Variants in GUCY2C observed in about 807,000 individuals in gnomAD.
GUCY2C encodes the protein guanylyl cyclase C.
In GUCY2C, 118 loss-of-function variants were observed where a neutral mutation model predicts 131.1. That is an observed-to-expected ratio of 0.90 (90% CI 0.78 to 1.05). The LOEUF (loss-of-function observed/expected upper bound fraction) is 1.05, where lower values mean the gene tolerates loss of function less well. Among genes scored for constraint, GUCY2C ranks in the 50% least tolerant of loss-of-function variants. The pLI, the probability that GUCY2C is intolerant of heterozygous loss-of-function variation, is 0.00. For synonymous variants in GUCY2C, 452 were observed against 457.8 expected (o/e 0.99, Z 0.16); for missense variants, 1,161 against 1,304.4 (o/e 0.89, Z 1.69).
chr12:14,624,015 G>T (rs969355621), intron 21 of GUCY2C, among the ~76,000 whole-genome samples: 68 of 152,306 alleles, frequency 4.5e-4, no homozygotes, highest in Non-Finnish European at 1.2e-4. Flanking sequence ...GTGTTATCCA[G>T]AGAGAGAAAC....
chr12:14,682,817 C>T lies in GUCY2C; in HGVS notation c.611+225G>A, dbSNP rs563491479. ...AATAAAACTGATGTGAACGTACTTT[C>T]AAAACAGTAAAGAGTGTTGCAGATG... On this transcript the variant is annotated intron_variant, in intron 4 of 26. Coordinates refer to ENST00000261170, the MANE Select transcript of GUCY2C (RefSeq NM_004963.4). Among the ~76,000 whole-genome samples the T allele has an allele frequency of 3.3e-4, 50 of 152,302 alleles. No individual in the cohort carries two copies. In the South Asian group the frequency reaches 9.5e-3, roughly 29 times the overall value.
chr12:14,641,121 T>G lies in GUCY2C; in HGVS notation c.2029A>C (p.Lys677Gln), dbSNP rs558738501. ...CAGCTCAAAGTGTAGAAGGTTTCTT[T>G]CCGCAGGATGATCTCCTGTGCGATG... ...GIIAQEIILR[K>Q]ETFYTLSCRD... Residue 677 changes from lysine to glutamine, a missense_variant, in exon 18 of 27, where the codon AAA (lysine) becomes CAA (glutamine). Lys to Gln is a moderately conservative substitution (Grantham distance 53). Transcript: ENST00000261170. 6 of 1,613,834 alleles carry G rather than the reference T, an allele frequency of 3.7e-6. No individual in the cohort carries two copies. The highest frequency in any genetic ancestry group is 5.1e-6 in the Non-Finnish European group (6 of 1,179,908).
At chr12:14,647,175 GGT>G (rs1251591341) in intron 15 of GUCY2C, among the ~76,000 whole-genome samples, 1 of 152,104 alleles carries the variant, frequency 6.6e-6, no homozygotes, top group Non-Finnish European at 1.5e-5. Flanking sequence ...TATACTTAAT[GGT>G]ATTCTTAGCC....
chr12:14,621,693 C>T (rs369040405), intron 22 of GUCY2C, among the ~76,000 whole-genome samples: 8 of 152,176 alleles, frequency 5.3e-5, no homozygotes, highest in East Asian at 3.8e-4. Context: ...CATTTGCAGT[C>T]AGCCTAAACA....
At chr12:14,623,164 AC>A (rs1417546337) in intron 21 of GUCY2C, among the ~76,000 whole-genome samples, 1 of 152,220 alleles carries the variant, frequency 6.6e-6, no homozygotes, top group African/African-American at 2.4e-5. Context: ...CCGATTAGGG[AC>A]AGAGCCAGGG....
Position 14,634,774 on chromosome 12 carries a change from C to T in GUCY2C, c.2157+5088G>A, listed in dbSNP as rs369146724. ...GAAAGTAAAGGGATGGAAAGATATT[C>T]CATGCAAATGAAAACCAAAAGCAAG... is the stretch of plus-strand genomic sequence containing the variant. On this transcript the variant is annotated intron_variant, in intron 19 of 26. Coordinates refer to ENST00000261170, the MANE Select transcript of GUCY2C (RefSeq NM_004963.4). Among the ~76,000 whole-genome samples, 3 of 152,154 alleles carry T rather than the reference C, an allele frequency of 2.0e-5. 1 individual carries two copies. The highest frequency in any genetic ancestry group is 1.3e-4 in the Admixed American group (2 of 15,266).
chr12:14,624,428 TG>T (rs1408970717), intron 21 of GUCY2C, among the ~76,000 whole-genome samples: 19 of 151,582 alleles, frequency 1.3e-4, no homozygotes, highest in Non-Finnish European at 1.9e-4. Context: ...GCAACAAGAG[TG>T]AAACTCCATC....
rs11056071 is a variant in GUCY2C at position 14,636,068 on chromosome 12, A to G, written c.2157+3794T>C. ...ACACTAATTCTCTTCAAACTATTCAAAAAAATTGAATAGGGAATTCTCCTT... is the reference window on the plus strand; with the variant it reads ...ACACTAATTCTCTTCAAACTATTCAGAAAAATTGAATAGGGAATTCTCCTT... On this transcript the variant is annotated intron_variant, in intron 19 of 26. Transcript: ENST00000261170. Among the ~76,000 whole-genome samples the G allele has an allele frequency of 3.7e-3, 556 of 152,320 alleles. 2 individuals carry two copies. Among genetic ancestry groups the G allele is most frequent in the African/African-American group, 0.012 (510 of 41,582 alleles).
intron 11 of GUCY2C, among the ~76,000 whole-genome samples, chr12:14,660,688 T>C (rs1947850612): frequency 6.6e-6 from 1 of 152,210 alleles, no homozygotes; most frequent in South Asian, 2.1e-4. Flanking sequence ...ATGAAGAAAC[T>C]GAAGCTAAGT....
intron 3 of GUCY2C, 96 bp downstream of exon 3, chr12:14,686,065 A>G: frequency 1.3e-6 from 1 of 755,450 alleles, no homozygotes; most frequent in Admixed American, 2.1e-5. Context: ...AGACCTCAAC[A>G]CCTCTGATTG....
chr12:14,688,210 C>T, intron 1 of GUCY2C, 147 bp from the exon 2 acceptor site: 2 of 603,536 alleles, frequency 3.3e-6, no homozygotes, highest in East Asian at 5.6e-5. Context: ...TACTCCTGGT[C>T]ACTTTTTTCC....
chr12:14,682,490 A>G (rs2137092986), intron 4 of GUCY2C, among the ~76,000 whole-genome samples: 1 of 152,322 alleles, frequency 6.6e-6, no homozygotes, highest in South Asian at 2.1e-4. Context: ...CTGTGAGTCA[A>G]TTAAACCTCT....
Position 14,659,189 on chromosome 12 carries a change from A to G in GUCY2C, c.1364+1792T>C, listed in dbSNP as rs769954255. Reference sequence around the variant, plus strand: ...CTCCTGAGTAGCTGGGATTACAGGCACCTGCCACCATGCCCAGCTAATTTT... The same window carrying G: ...CTCCTGAGTAGCTGGGATTACAGGCGCCTGCCACCATGCCCAGCTAATTTT... On this transcript the variant is annotated intron_variant, in intron 11 of 26. Coordinates refer to ENST00000261170, the MANE Select transcript of GUCY2C (RefSeq NM_004963.4). Among the ~76,000 whole-genome samples, 257 of 152,062 alleles carry G rather than the reference A, an allele frequency of 1.7e-3. 3 individuals are homozygous for G. Among genetic ancestry groups the G allele is most frequent in the Non-Finnish European group, 8.4e-4 (57 of 67,980 alleles).
In GUCY2C at chr12:14,643,653, A is replaced by G; in HGVS notation, c.1851T>C (p.Ser617=). 1 of 1,613,078 alleles carries G rather than the reference A, an allele frequency of 6.2e-7. No homozygotes were observed. The highest frequency in any genetic ancestry group is 8.5e-7 in the Non-Finnish European group (1 of 1,179,032). ...SKTEVHGRLK[S]TNCVVDSRMV... Reference sequence around the variant, plus strand: ...TTCTACTGTCCACTACGCAGTTGGTAGATTTCAGACGACCATGGACTTCTG... The same window carrying G: ...TTCTACTGTCCACTACGCAGTTGGTGGATTTCAGACGACCATGGACTTCTG... Residue 617 remains serine (S), a synonymous_variant, in exon 17 of 27, where the codon TCT becomes TCC. Coordinates refer to ENST00000261170, the MANE Select transcript of GUCY2C (RefSeq NM_004963.4).
chr12:14,672,731 G>T, intron 9 of GUCY2C, 142 bp downstream of exon 9: 1 of 617,500 alleles, frequency 1.6e-6, no homozygotes. Context: ...CCCTAAGTGG[G>T]GCGTAATTGT....
Position 14,687,969 on chromosome 12 carries a change from G to A in GUCY2C, c.312C>T (p.Asp104=). ...DCRSSTCEGL[D]LLRKISNAQR... ...TACTTACTGAAATTTTCCTGAGTAG[G>A]TCGAGGCCTTCACAGGTGCTACTCC... Residue 104 remains aspartate, a synonymous_variant, in exon 2 of 27, where the codon GAC becomes GAT. Coordinates refer to ENST00000261170, the MANE Select transcript of GUCY2C (RefSeq NM_004963.4). 6.2e-7 allele frequency: 1 copy of A among 1,608,736 alleles called. No individual in the cohort carries two copies. Among genetic ancestry groups the A allele is most frequent in the Non-Finnish European group, 8.5e-7 (1 of 1,175,098 alleles).
At chr12:14,637,427 G>GA (rs1565612617) in intron 19 of GUCY2C, among the ~76,000 whole-genome samples, 1 of 151,962 alleles carries the variant, frequency 6.6e-6, no homozygotes, top group South Asian at 2.1e-4. Flanking sequence ...CACAGAAATG[G>GA]AAAAAACAAT....
chr12:14,687,975 G>A lies in GUCY2C; in HGVS notation c.306C>T (p.Gly102=), dbSNP rs1358192705. The A allele has an allele frequency of 1.2e-6, 2 of 1,609,896 alleles. No individual in the cohort carries two copies. The highest frequency in any genetic ancestry group is 8.5e-7 in the Non-Finnish European group (1 of 1,176,128). ...SGDCRSSTCE[G]LDLLRKISNA... ...CTGAAATTTTCCTGAGTAGGTCGAG[G>A]CCTTCACAGGTGCTACTCCGGCAGT... The change falls in exon 2 of 27, where the codon GGC becomes GGT. Residue 102 remains glycine, a synonymous_variant. Transcript: ENST00000261170.
chr12:14,627,360 A>G (rs1947041989), intron 20 of GUCY2C, among the ~76,000 whole-genome samples: 1 of 152,170 alleles, frequency 6.6e-6, no homozygotes, highest in Admixed American at 6.5e-5. Context: ...GGAATGAAGA[A>G]ACAGAATTGT....
Sources: allele counts gnomAD v4.1 joint callset (sites outside exome capture counted in the v4.1 genomes callset), GRCh38; gene constraint gnomAD v4.1.1; transcripts MANE v1.5; gene names NCBI Gene and HGNC (gene_info 2026-07-23, HGNC 2026-07-21).